TTLL5: variants seen among roughly 807,000 people sequenced by gnomAD.
TTLL5 encodes tubulin tyrosine ligase like 5.
In TTLL5, 132 loss-of-function variants were observed where a neutral mutation model predicts 168.4. That is an observed-to-expected ratio of 0.78 (90% CI 0.68 to 0.91). The LOEUF (loss-of-function observed/expected upper bound fraction) is 0.91. Among genes scored for constraint, TTLL5 ranks in the 40% least tolerant of loss-of-function variants. The probability of loss-of-function intolerance (pLI) is 0.00; values close to 1 mark genes in which losing one functional copy is unlikely to be tolerated. For synonymous variants in TTLL5, 546 were observed against 558.6 expected (o/e 0.98, Z 0.32); for missense variants, 1,545 against 1,581.5 (o/e 0.98, Z 0.39).
chr14:75,913,631 T>C (rs1405907192), intron 31 of TTLL5, among the ~76,000 whole-genome samples: 1 of 152,208 alleles, frequency 6.6e-6, no homozygotes, highest in Non-Finnish European at 1.5e-5. Flanking sequence ...GAAATTCTGA[T>C]TGAATAGATG....
chr14:75,780,635 A>G (rs1343385615), intron 24 of TTLL5, among the ~76,000 whole-genome samples: 1 of 152,240 alleles, frequency 6.6e-6, no homozygotes, highest in Non-Finnish European at 1.5e-5. Flanking sequence ...CTCTTAAGTT[A>G]TGATAATCTA....
chr14:75,821,065 G>C (rs1325485428), intron 28 of TTLL5, among the ~76,000 whole-genome samples: 2 of 152,190 alleles, frequency 1.3e-5, no homozygotes, highest in Non-Finnish European at 2.9e-5. Flanking sequence ...GAGATTCAGA[G>C]GGGGTACTGA....
At chr14:75,875,496 C>G (rs991150528) in intron 29 of TTLL5, among the ~76,000 whole-genome samples, 3 of 150,726 alleles carry the variant, frequency 2.0e-5, no homozygotes, top group African/African-American at 7.3e-5. Flanking sequence ...GAGCCGAGAT[C>G]GTGCCACTGC....
At chr14:75,683,737 C>T in intron 5 of TTLL5, 81 bp downstream of exon 5, 2 of 1,069,916 alleles carry the variant, frequency 1.9e-6, no homozygotes, top group Non-Finnish European at 2.8e-6. Context: ...AATTAGTGTC[C>T]TTAAAGAAGA....
chr14:75,899,918 A>G (rs1784095977), intron 30 of TTLL5, among the ~76,000 whole-genome samples: 1 of 147,712 alleles, frequency 6.8e-6, no homozygotes, highest in Non-Finnish European at 1.5e-5. Context: ...ACTGACCCAA[A>G]GATTTTGCCG....
Position 75,863,698 on chromosome 14 carries a change from G to A in TTLL5, c.3358G>A (p.Gly1120Arg). The A allele has an allele frequency of 2.5e-6, 4 of 1,612,220 alleles. No homozygotes were observed. The highest frequency in any genetic ancestry group is 2.2e-5 in the East Asian group (1 of 44,784). Reference protein sequence around the residue: ...SLQTGGFAWEGEVENNVYSQA... With the variant: ...SLQTGGFAWEREVENNVYSQA... ...GCAGACAGGGGGATTTGCCTGGGAA[G>A]GAGAAGTAGAAAACAACGTGTACAG... The change falls in exon 29 of 32, where the codon GGA becomes AGA. Residue 1120 changes from glycine (G) to arginine (R), a missense_variant. Physicochemically the swap from Gly to Arg is moderately radical, Grantham distance 125. Coordinates refer to ENST00000298832, the MANE Select transcript of TTLL5 (RefSeq NM_015072.5).
intron 30 of TTLL5, among the ~76,000 whole-genome samples, chr14:75,899,942 T>G (rs1019801875): frequency 3.1e-4 from 1 of 3,220 alleles, no homozygotes. Context: ...TCTTCCCTTT[T>G]TTTTTTTTTT....
intron 27 of TTLL5, among the ~76,000 whole-genome samples, chr14:75,807,849 T>G (rs960692879): frequency 2.6e-5 from 4 of 152,248 alleles, no homozygotes; most frequent in African/African-American, 9.6e-5. Flanking sequence ...TTGTGCCTGC[T>G]CAGAGAAACA....
At chr14:75,677,925 C>T (rs2140109590) in intron 3 of TTLL5, among the ~76,000 whole-genome samples, 1 of 152,168 alleles carries the variant, frequency 6.6e-6, no homozygotes, top group Middle Eastern at 3.4e-3. Flanking sequence ...AGCCACCATG[C>T]CCAGACTTGT....
chr14:75,709,936 G>A (rs1401615816), intron 9 of TTLL5: 2 of 148,538 alleles, frequency 1.3e-5, no homozygotes, highest in African/African-American at 2.6e-5. Flanking sequence ...GATATGCAAG[G>A]TTCTGAGGAT....
chr14:75,773,953 G>GAGAGAA (rs1566598121), intron 21 of TTLL5, among the ~76,000 whole-genome samples: 10 of 37,658 alleles, frequency 2.7e-4, no homozygotes, highest in African/African-American at 7.6e-4. Flanking sequence ...GAGAGAGAGA[G>GAGAGAA]AGAAAGAGAG....
intron 15 of TTLL5, among the ~76,000 whole-genome samples, chr14:75,742,897 GTTTCCTTCCTAAATCTTTCAACT>G (rs1235475136): frequency 6.6e-6 from 1 of 152,090 alleles, no homozygotes; most frequent in East Asian, 1.9e-4. Context: ...ATTTATATTT[GTTTCCTTCCTAAATCTTTCAACT>G]TTCCCCTATA....
intron 5 of TTLL5, among the ~76,000 whole-genome samples, chr14:75,689,222 A>G (rs1885280154): frequency 6.6e-6 from 1 of 152,340 alleles, no homozygotes; most frequent in East Asian, 1.9e-4. Context: ...GTGATGAGCC[A>G]TCTGGAAGTT....
chr14:75,935,448 T>C (rs1340140310), intron 31 of TTLL5, among the ~76,000 whole-genome samples: 1 of 152,196 alleles, frequency 6.6e-6, no homozygotes, highest in African/African-American at 2.4e-5. Flanking sequence ...TTTCCTGTTA[T>C]CTCCAGGCTG....
In TTLL5 at chr14:75,717,892, A is replaced by C. The variant is rs1887576900; in HGVS notation, c.772A>C (p.Lys258Gln). Residue 258 changes from lysine to glutamine, a missense_variant, in exon 10 of 32, where the codon AAG becomes CAG. Lys to Gln is a moderately conservative substitution (Grantham distance 53, BLOSUM62 1). Transcript: ENST00000298832. The part of the protein sequence containing the change: ...FATVRYDQGA[K>Q]NIRNQFMHLT... ...AACTGTGCGATATGATCAAGGAGCC[A>C]AGAACATTCGGAACCAGTTCATGCA... 6.2e-7 allele frequency: 1 copy of C among 1,613,890 alleles called. No individual in the cohort carries two copies.
intron 31 of TTLL5, among the ~76,000 whole-genome samples, chr14:75,913,286 C>T (rs1429005515): frequency 2.0e-5 from 3 of 152,164 alleles, no homozygotes; most frequent in African/African-American, 7.2e-5. Context: ...CTCCCTCCCT[C>T]CCCAATATGC....
At chr14:75,738,729 G>A (rs565031661) in intron 15 of TTLL5, among the ~76,000 whole-genome samples, 43 of 152,168 alleles carry the variant, frequency 2.8e-4, no homozygotes, top group Non-Finnish European at 1.2e-4. Flanking sequence ...AAAGGAGTAC[G>A]TTAGGAAAGG....
intron 27 of TTLL5, among the ~76,000 whole-genome samples, chr14:75,813,103 A>G (rs190294390): frequency 6.6e-6 from 1 of 152,294 alleles, no homozygotes; most frequent in Admixed American, 6.5e-5. Flanking sequence ...AAGTTATTTT[A>G]TCTCTCAACC....
intron 28 of TTLL5, among the ~76,000 whole-genome samples, chr14:75,843,857 ATTTTG>A (rs1555350782): frequency 6.0e-5 from 6 of 99,218 alleles, no homozygotes; most frequent in Admixed American, 9.8e-5. Flanking sequence ...TATTTATTTT[ATTTTG>A]TTTTGTTTTG....
Sources: gnomAD v4.1 joint callset for allele counts (sites outside exome capture counted in the v4.1 genomes callset) on GRCh38, gnomAD v4.1.1 for gene constraint, MANE v1.5 for transcripts, NCBI Gene and HGNC (gene_info 2026-07-23, HGNC 2026-07-21) for gene names.